The following SPTLC3 variants were observed in gnomAD, a reference collection of about 807,000 sequenced individuals.
SPTLC3 encodes the protein serine palmitoyltransferase long chain base subunit 3.
A neutral mutation model predicts 59.3 loss-of-function variants in SPTLC3; 36 were observed. The observed-to-expected ratio is 0.61, with a 90% CI of 0.47 to 0.80. The LOEUF (loss-of-function observed/expected upper bound fraction) is 0.80, where lower values mean the gene tolerates loss of function less well. SPTLC3 is among the 30% of genes least tolerant of loss of function. The probability of loss-of-function intolerance (pLI) is 0.00; values close to 1 mark genes in which losing one functional copy is unlikely to be tolerated. For missense variants in SPTLC3, 625 were observed against 685.1 expected (o/e 0.91, Z 0.98); for synonymous variants, 257 against 240.8 (o/e 1.07, Z -0.62).
chr20:13,084,327 C>A (rs547713028), intron 4 of SPTLC3, among the ~76,000 whole-genome samples: 26 of 152,220 alleles, frequency 1.7e-4, no homozygotes, highest in African/African-American at 5.8e-4. Flanking sequence ...AACAACAAAG[C>A]TTTATATATT....
intron 7 of SPTLC3, 152 bp from the exon 8 acceptor site, chr20:13,117,354 T>G (rs16993806): frequency 0.06 from 38,944 of 648,116 alleles, 1,375 homozygotes; most frequent in Middle Eastern, 0.11. Flanking sequence ...CTTACAAGAT[T>G]GAAAGGGTTG....
At chr20:13,089,699 T>C (rs1478405153) in intron 4 of SPTLC3, among the ~76,000 whole-genome samples, 4 of 151,070 alleles carry the variant, frequency 2.6e-5, no homozygotes, top group South Asian at 2.1e-4. Flanking sequence ...GGCAGGAGAA[T>C]TGATTGAACC....
At chr20:13,112,515 T>A (rs1198153522) in intron 7 of SPTLC3, among the ~76,000 whole-genome samples, 1 of 152,124 alleles carries the variant, frequency 6.6e-6, no homozygotes, top group Non-Finnish European at 1.5e-5. Flanking sequence ...CCCTACCCCC[T>A]GATGGAGGAT....
chr20:13,142,806 A>G (rs556007214), intron 9 of SPTLC3, among the ~76,000 whole-genome samples: 6 of 152,272 alleles, frequency 3.9e-5, no homozygotes, highest in African/African-American at 1.4e-4. Flanking sequence ...TCTGGCTGTC[A>G]ATGGGAACAC....
At chr20:13,070,102 G>A (rs1988381434) in intron 2 of SPTLC3, among the ~76,000 whole-genome samples, 1 of 139,756 alleles carries the variant, frequency 7.2e-6, no homozygotes, top group African/African-American at 2.9e-5. Context: ...TAATCTTGTA[G>A]CCTCAAAAAA....
chr20:13,060,877 G>A (rs1987947051), intron 2 of SPTLC3, among the ~76,000 whole-genome samples: 1 of 152,044 alleles, frequency 6.6e-6, no homozygotes, highest in African/African-American at 2.4e-5. Context: ...TTGATGGACT[G>A]TTAGGTTGAT....
chr20:13,064,068 C>T (rs576159262), intron 2 of SPTLC3, among the ~76,000 whole-genome samples: 3 of 146,674 alleles, frequency 2.0e-5, no homozygotes, highest in South Asian at 2.2e-4. Flanking sequence ...CTTGCTCTTT[C>T]GCCCAGGCTG....
chr20:13,011,871 A>G (rs953985061), intron 1 of SPTLC3, among the ~76,000 whole-genome samples: 7 of 152,060 alleles, frequency 4.6e-5, no homozygotes, highest in African/African-American at 1.7e-4. Flanking sequence ...CTATCATACT[A>G]GAGGATTTGT....
At chr20:13,139,731 C>T (rs1314753513) in intron 9 of SPTLC3, among the ~76,000 whole-genome samples, 1 of 152,230 alleles carries the variant, frequency 6.6e-6, no homozygotes, top group African/African-American at 2.4e-5. Context: ...GACTTTGCCA[C>T]AGTACTTAAC....
intron 1 of SPTLC3, among the ~76,000 whole-genome samples, chr20:13,011,080 A>G (rs996838380): frequency 1.1e-4 from 16 of 152,160 alleles, no homozygotes; most frequent in African/African-American, 2.9e-4. Context: ...CTAAGCTACA[A>G]TTGGCTTTCA....
chr20:13,066,230 G>A (rs1204578524), intron 2 of SPTLC3, among the ~76,000 whole-genome samples: 1 of 76,876 alleles, frequency 1.3e-5, no homozygotes, highest in African/African-American at 4.4e-5. Flanking sequence ...CATTTTGACT[G>A]CATTTTTATA....
intron 9 of SPTLC3, among the ~76,000 whole-genome samples, chr20:13,134,372 T>A (rs761339002): frequency 1.3e-5 from 2 of 152,220 alleles, no homozygotes; most frequent in Non-Finnish European, 1.5e-5. Flanking sequence ...CAGGCATGTC[T>A]AATTTTACTC....
chr20:13,013,833 G>C (rs1421396126), intron 1 of SPTLC3, among the ~76,000 whole-genome samples: 3 of 152,132 alleles, frequency 2.0e-5, no homozygotes, highest in Non-Finnish European at 2.9e-5. Context: ...ATAACTATTG[G>C]ATTGTTCATG....
intron 2 of SPTLC3, 48 bp downstream of exon 2, chr20:13,049,178 T>G (rs761441971): frequency 5.0e-6 from 8 of 1,592,390 alleles, no homozygotes; most frequent in African/African-American, 1.3e-5. Context: ...TACTCCTCTC[T>G]AAAGTGTTCT....
chr20:13,025,994 CT>C, intron 1 of SPTLC3, among the ~76,000 whole-genome samples: 1 of 152,240 alleles, frequency 6.6e-6, no homozygotes, highest in African/African-American at 2.4e-5. Flanking sequence ...TTTTCTCTTC[CT>C]GCATTAGTTT....
At position 13,164,895 on chromosome 20, in the gene SPTLC3, G is replaced by T. The variant is rs1402638661; in HGVS notation, c.*28G>T. ...TTCCTGGTCCTGAATGACACATAAA[G>T]ACTTTGCGAGAAAGACCTCCCTCCT... On this transcript the variant is annotated 3_prime_UTR_variant, in exon 12 of 12. Coordinates refer to ENST00000399002, the MANE Select transcript of SPTLC3 (RefSeq NM_018327.4). 1.3e-6 allele frequency: 2 copies of T among 1,575,326 alleles called. No individual in the cohort carries two copies. Among genetic ancestry groups the T allele is most frequent in the Non-Finnish European group, 1.7e-6 (2 of 1,152,776 alleles).
At chr20:13,078,345 A>G (rs1484422040) in intron 4 of SPTLC3, among the ~76,000 whole-genome samples, 2 of 151,252 alleles carry the variant, frequency 1.3e-5, no homozygotes, top group African/African-American at 2.4e-5. Flanking sequence ...ATAATTTAAA[A>G]TATTGAAATA....
At chr20:13,101,826 C>CT (rs1568601666) in intron 6 of SPTLC3, among the ~76,000 whole-genome samples, 1 of 151,968 alleles carries the variant, frequency 6.6e-6, no homozygotes, top group Non-Finnish European at 1.5e-5. Context: ...TCCTGGGTGC[C>CT]GCTGCTGCTA....
intron 1 of SPTLC3, among the ~76,000 whole-genome samples, chr20:13,032,518 C>G (rs1219256292): frequency 6.6e-6 from 1 of 152,176 alleles, no homozygotes; most frequent in African/African-American, 2.4e-5. Context: ...ATATACCATT[C>G]AAGGCCCAGC....
Sources: gnomAD v4.1 joint callset for allele counts (sites outside exome capture counted in the v4.1 genomes callset) on GRCh38, gnomAD v4.1.1 for gene constraint, MANE v1.5 for transcripts, NCBI Gene and HGNC (gene_info 2026-07-23, HGNC 2026-07-21) for gene names.